Variants in KCTD8 observed in about 807,000 individuals in gnomAD.
KCTD8 encodes the protein BTB/POZ domain-containing protein KCTD8.
Under a neutral mutation model 31.5 loss-of-function variants are expected in KCTD8, and 27 were observed. The observed-to-expected ratio is 0.86, with a 90% CI of 0.63 to 1.18. The LOEUF is 1.18. Among genes scored for constraint, KCTD8 ranks in the 50% most tolerant of loss-of-function variants. The pLI is 0.00. For missense variants in KCTD8, 658 were observed against 647.7 expected, an observed-to-expected ratio of 1.02 and a Z score of -0.17; for synonymous variants, 290 against 280.0, an observed-to-expected ratio of 1.04 and a Z score of -0.36.
chr4:44,362,941 T>C (rs1719537559), intron 1 of KCTD8, among the ~76,000 whole-genome samples: 1 of 152,072 alleles, frequency 6.6e-6, no homozygotes, highest in South Asian at 2.1e-4. Flanking sequence ...CTGCTTTATG[T>C]TTTTTCTTTT....
At chr4:44,316,979 G>GCAA (rs113080322) in intron 1 of KCTD8, among the ~76,000 whole-genome samples, 8,878 of 148,518 alleles carry the variant, frequency 0.06, 918 homozygotes, top group African/African-American at 0.21. Context: ...CTCCATCTCA[G>GCAA]CAACAACAAC....
At chr4:44,427,744 G>C (rs1721383011) in intron 1 of KCTD8, among the ~76,000 whole-genome samples, 2 of 151,620 alleles carry the variant, frequency 1.3e-5, no homozygotes, top group South Asian at 4.1e-4. Flanking sequence ...ATTCTCCAAA[G>C]CATTCAAGAG....
chr4:44,395,951 T>C (rs950907825), intron 1 of KCTD8, among the ~76,000 whole-genome samples: 3 of 152,114 alleles, frequency 2.0e-5, no homozygotes, highest in African/African-American at 7.2e-5. Context: ...TTCAAGTACA[T>C]TAATTGTACA....
Position 44,224,951 on chromosome 4 carries a change from C to T in KCTD8, c.962-49701G>A, listed in dbSNP as rs147079790. ...CCAAGGAGGTCACACTCATTGCTTC[C>T]GCCCACATTTCATTGGTAAGAACTA... On this transcript the variant is annotated intron_variant, in intron 1 of 1. Transcript: ENST00000360029. Among the ~76,000 whole-genome samples, 302 of 152,250 alleles carry T rather than the reference C, an allele frequency of 2.0e-3. 1 individual carries two copies. Among genetic ancestry groups the T allele is most frequent in the African/African-American group, 5.8e-3 (241 of 41,540 alleles).
At chr4:44,353,198 G>A (rs1454771524) in intron 1 of KCTD8, among the ~76,000 whole-genome samples, 1 of 151,998 alleles carries the variant, frequency 6.6e-6, no homozygotes, top group Non-Finnish European at 1.5e-5. Context: ...TCACATAAAT[G>A]AAATCATAAA....
Position 44,393,692 on chromosome 4 carries a change from A to T in KCTD8, c.961+53871T>A, listed in dbSNP as rs949561744. Among the ~76,000 whole-genome samples the T allele has an allele frequency of 2.0e-5, 3 of 151,858 alleles. No homozygotes were observed. The East Asian group carries it at 5.8e-4, about 29-fold the overall frequency. On this transcript the variant is annotated intron_variant, in intron 1 of 1. Coordinates refer to ENST00000360029, the MANE Select transcript of KCTD8 (RefSeq NM_198353.3). ...ATCAGAATATTTAAGTATCTTATAA[A>T]TTATTAATATAAACATAAATGATAG...
chr4:44,369,899 C>T (rs950060959), intron 1 of KCTD8, among the ~76,000 whole-genome samples: 3 of 151,992 alleles, frequency 2.0e-5, no homozygotes, highest in Admixed American at 6.6e-5. Context: ...TACAGTTTTG[C>T]TTTTTTCTAA....
intron 1 of KCTD8, among the ~76,000 whole-genome samples, chr4:44,366,214 T>C (rs1719630409): frequency 1.3e-5 from 2 of 152,184 alleles, no homozygotes; most frequent in Admixed American, 1.3e-4. Flanking sequence ...CGGAGGCTTA[T>C]ATGTGGGGAC....
intron 1 of KCTD8, among the ~76,000 whole-genome samples, chr4:44,392,232 A>G (rs889837726): frequency 1.3e-5 from 2 of 151,986 alleles, no homozygotes; most frequent in East Asian, 1.9e-4. Flanking sequence ...GTTGATCCCT[A>G]AGAAAGGACA....
intron 1 of KCTD8, among the ~76,000 whole-genome samples, chr4:44,290,419 C>A (rs927449607): frequency 3.9e-5 from 6 of 152,024 alleles, no homozygotes; most frequent in Admixed American, 3.3e-4. Flanking sequence ...AGTAAGAAAG[C>A]TAACAAGTTT....
At chr4:44,409,008 C>T (rs752721557) in intron 1 of KCTD8, among the ~76,000 whole-genome samples, 1 of 151,410 alleles carries the variant, frequency 6.6e-6, no homozygotes, top group Admixed American at 6.6e-5. Context: ...TTTGGGAGAC[C>T]GAGGTGGGAG....
At chr4:44,183,276 CTA>C (rs1190082743) in intron 1 of KCTD8, among the ~76,000 whole-genome samples, 3 of 152,030 alleles carry the variant, frequency 2.0e-5, no homozygotes, top group Admixed American at 2.0e-4. Flanking sequence ...ACAAAGTAAA[CTA>C]TTAGTTTATA....
intron 1 of KCTD8, among the ~76,000 whole-genome samples, chr4:44,371,267 A>C (rs545151726): frequency 6.6e-6 from 1 of 152,152 alleles, no homozygotes; most frequent in Non-Finnish European, 1.5e-5. Flanking sequence ...CAACCTTTTC[A>C]AATGCTAATC....
rs1412726083 is a variant in KCTD8, at chr4:44,212,595, G to A, written c.962-37345C>T. ...GACCAGCAGAATTCAAACCCATCTC[G>A]TTCAAGGGTCAACTGTATTTCAAAA... On this transcript the variant is annotated intron_variant, in intron 1 of 1. Coordinates refer to ENST00000360029, the MANE Select transcript of KCTD8 (RefSeq NM_198353.3). Among the ~76,000 whole-genome samples the A allele has an allele frequency of 5.3e-5, 8 of 152,058 alleles. No individual in the cohort carries two copies. The South Asian group carries it at 6.2e-4, about 12-fold the overall frequency.
intron 1 of KCTD8, among the ~76,000 whole-genome samples, chr4:44,224,786 A>C (rs2109349648): frequency 6.6e-6 from 1 of 152,282 alleles, no homozygotes; most frequent in Non-Finnish European, 1.5e-5. Flanking sequence ...CGAGATAGTG[A>C]GTATGGTGGT....
intron 1 of KCTD8, among the ~76,000 whole-genome samples, chr4:44,268,435 T>G (rs1716462989): frequency 6.6e-6 from 1 of 152,072 alleles, no homozygotes; most frequent in South Asian, 2.1e-4. Flanking sequence ...ACAGCCAATA[T>G]CATACTGAAT....
intron 1 of KCTD8, among the ~76,000 whole-genome samples, chr4:44,340,073 A>G (rs1197612898): frequency 6.6e-6 from 1 of 152,094 alleles, no homozygotes; most frequent in Non-Finnish European, 1.5e-5. Context: ...AAAGACTCTC[A>G]GCACTAAATA....
intron 1 of KCTD8, among the ~76,000 whole-genome samples, chr4:44,264,614 G>T (rs1482026394): frequency 6.6e-6 from 1 of 152,202 alleles, no homozygotes; most frequent in African/African-American, 2.4e-5. Context: ...CAAGGGGTCA[G>T]GGAGTTCCCT....
chr4:44,337,576 A>C (rs946848706), intron 1 of KCTD8, among the ~76,000 whole-genome samples: 3 of 151,836 alleles, frequency 2.0e-5, no homozygotes, highest in Non-Finnish European at 4.4e-5. Context: ...CAGGAGGCTG[A>C]GGCAGAAGAA....
Sources: allele counts gnomAD v4.1 joint callset (sites outside exome capture counted in the v4.1 genomes callset), GRCh38; gene constraint gnomAD v4.1.1; transcripts MANE v1.5; gene names NCBI Gene and HGNC (gene_info 2026-07-23, HGNC 2026-07-21).